MACROD2: variants seen among roughly 807,000 people sequenced by gnomAD.
MACROD2 encodes the protein ADP-ribose glycohydrolase MACROD2.
MACROD2 carries 36 observed loss-of-function variants against 70.4 expected under a neutral mutation model. The ratio of observed to expected loss-of-function variants is 0.51; its 90% CI spans 0.39 to 0.68. The LOEUF is 0.68. MACROD2 is among the 30% of genes least tolerant of loss of function. The pLI is 0.00. For synonymous variants in MACROD2, 172 were observed against 178.8 expected, an observed-to-expected ratio of 0.96 and a Z score of 0.30; for missense variants, 496 against 538.4, an observed-to-expected ratio of 0.92 and a Z score of 0.78.
intron 8 of MACROD2, among the ~76,000 whole-genome samples, chr20:15,849,499 C>T (rs16996681): frequency 0.054 from 8,204 of 152,182 alleles, 380 homozygotes; most frequent in East Asian, 0.2. Context: ...GACCAGGCTG[C>T]GGAGCCACCT....
rs183325422 is a variant in MACROD2 at position 14,175,217 on chromosome 20, T to C, written c.271+89489T>C. 7.2e-4 allele frequency among the ~76,000 whole-genome samples: 110 copies of C among 152,330 alleles called. 1 individual carries two copies. Among genetic ancestry groups the C allele is most frequent in the African/African-American group, 2.5e-3 (104 of 41,576 alleles). The stretch of plus-strand genomic sequence containing the variant: ...GTCCTGCCTCCTATCTGTCATTTTT[T>C]CCCACATCTTAGCCTACATTTTCTT... On this transcript the variant is annotated intron_variant, in intron 3 of 17. Transcript: ENST00000684519.
chr20:15,337,447 A>T (rs991622133), intron 6 of MACROD2, among the ~76,000 whole-genome samples: 1 of 151,598 alleles, frequency 6.6e-6, no homozygotes, highest in African/African-American at 2.4e-5. Context: ...TTCTTTTAAG[A>T]TTTTCTTTAA....
At chr20:15,189,335 T>A (rs964005117) in intron 5 of MACROD2, among the ~76,000 whole-genome samples, 3 of 151,952 alleles carry the variant, frequency 2.0e-5, no homozygotes, top group Non-Finnish European at 4.4e-5. Flanking sequence ...TATATGTATG[T>A]GTGTAAATAT....
intron 6 of MACROD2, among the ~76,000 whole-genome samples, chr20:15,402,458 G>A (rs1464029724): frequency 6.6e-6 from 1 of 152,168 alleles, no homozygotes; most frequent in African/African-American, 2.4e-5. Context: ...CTCTACTAAT[G>A]CTCTGGGAAT....
intron 6 of MACROD2, among the ~76,000 whole-genome samples, chr20:15,429,959 T>C (rs1031051270): frequency 5.9e-5 from 9 of 152,082 alleles, no homozygotes; most frequent in South Asian, 4.1e-4. Context: ...CAATGAATTA[T>C]TCTACTCTCT....
chr20:15,300,165 T>C (rs1459418274), intron 6 of MACROD2, among the ~76,000 whole-genome samples: 1 of 152,168 alleles, frequency 6.6e-6, no homozygotes, highest in African/African-American at 2.4e-5. Flanking sequence ...TTTACTGTTA[T>C]TAATGTAGCT....
At chr20:15,965,001 CAT>C (rs2066119103) in intron 12 of MACROD2, among the ~76,000 whole-genome samples, 2 of 152,144 alleles carry the variant, frequency 1.3e-5, no homozygotes, top group Non-Finnish European at 1.5e-5. Flanking sequence ...CACATAAAGA[CAT>C]GTATATTTGT....
intron 3 of MACROD2, among the ~76,000 whole-genome samples, chr20:14,291,572 G>A (rs916170434): frequency 2.6e-5 from 4 of 151,856 alleles, no homozygotes; most frequent in Non-Finnish European, 4.4e-5. Context: ...TTATGTATTT[G>A]CCATAAAAAA....
At chr20:15,438,063 G>A (rs1315434753) in intron 7 of MACROD2, among the ~76,000 whole-genome samples, 1 of 152,002 alleles carries the variant, frequency 6.6e-6, no homozygotes, top group African/African-American at 2.4e-5. Flanking sequence ...GCTGAAGCAG[G>A]AGGATTGCTG....
intron 4 of MACROD2, among the ~76,000 whole-genome samples, chr20:14,568,533 T>A (rs761915866): frequency 1.2e-4 from 18 of 152,048 alleles, no homozygotes; most frequent in Non-Finnish European, 8.8e-5. Context: ...TCTAATTTGT[T>A]GTAATTGCTC....
intron 5 of MACROD2, among the ~76,000 whole-genome samples, chr20:14,720,820 G>C (rs551295742): frequency 6.6e-6 from 1 of 151,806 alleles, no homozygotes; most frequent in African/African-American, 2.4e-5. Context: ...GCAATGTGCT[G>C]GGATTACAGG....
intron 5 of MACROD2, among the ~76,000 whole-genome samples, chr20:14,915,356 C>T (rs565050865): frequency 5.1e-4 from 78 of 152,222 alleles, no homozygotes; most frequent in Non-Finnish European, 8.5e-4. Context: ...AATGGAAACC[C>T]CAAGTAAGAG....
chr20:15,310,277 G>T (rs1405837919), intron 6 of MACROD2, among the ~76,000 whole-genome samples: 1 of 152,036 alleles, frequency 6.6e-6, no homozygotes, highest in East Asian at 1.9e-4. Context: ...GGTAAGAATG[G>T]CAACTGACGA....
intron 15 of MACROD2, among the ~76,000 whole-genome samples, chr20:16,008,548 A>C (rs73237726): frequency 1.3e-5 from 2 of 152,132 alleles, no homozygotes; most frequent in South Asian, 4.1e-4. Flanking sequence ...GTTTGCAGAC[A>C]GGTTGTTCTC....
chr20:14,402,894 G>A (rs531001705), intron 3 of MACROD2, among the ~76,000 whole-genome samples: 1 of 152,242 alleles, frequency 6.6e-6, no homozygotes, highest in African/African-American at 2.4e-5. Context: ...AGGAGGAAGA[G>A]GCTATATGCT....
chr20:15,713,595 G>A (rs571452803), intron 8 of MACROD2, among the ~76,000 whole-genome samples: 15 of 152,054 alleles, frequency 9.9e-5, no homozygotes, highest in African/African-American at 2.4e-4. Context: ...ACCAGATCTC[G>A]TGAGAACTCT....
intron 8 of MACROD2, among the ~76,000 whole-genome samples, chr20:15,648,300 A>G (rs2049584978): frequency 6.6e-6 from 1 of 152,214 alleles, no homozygotes; most frequent in African/African-American, 2.4e-5. Context: ...ATCTCACTCT[A>G]CATGAGCTCC....
At chr20:14,857,271 C>T (rs2073265017) in intron 5 of MACROD2, among the ~76,000 whole-genome samples, 1 of 152,186 alleles carries the variant, frequency 6.6e-6, no homozygotes, top group Admixed American at 6.5e-5. Context: ...CCACTTATAT[C>T]TCCTGCTCTT....
chr20:15,905,795 A>G (rs1317556557), intron 10 of MACROD2, among the ~76,000 whole-genome samples: 1 of 152,218 alleles, frequency 6.6e-6, no homozygotes, highest in Non-Finnish European at 1.5e-5. Flanking sequence ...CACCTACACT[A>G]GAATTTCCTG....
Sources: allele counts gnomAD v4.1 joint callset (sites outside exome capture counted in the v4.1 genomes callset), GRCh38; gene constraint gnomAD v4.1.1; transcripts MANE v1.5; gene names NCBI Gene and HGNC (gene_info 2026-07-23, HGNC 2026-07-21).